The following LRRC4C variants were observed in gnomAD, a reference collection of about 807,000 sequenced individuals.
LRRC4C encodes leucine rich repeat containing 4C, also known as leucine-rich repeat-containing protein 4C.
In LRRC4C, 5 loss-of-function variants were observed where a neutral mutation model predicts 33.6. The observed-to-expected ratio is 0.15, with a 90% CI of 0.08 to 0.31. The LOEUF (loss-of-function observed/expected upper bound fraction) is 0.31. Ranked by LOEUF, LRRC4C falls within the 10% of genes least tolerant of loss-of-function variation. The pLI is 1.00. For synonymous variants in LRRC4C, 329 were observed against 302.0 expected (o/e 1.09, Z -0.93); for missense variants, 560 against 796.7 (o/e 0.70, Z 3.58).
At chr11:40,882,131 T>A (rs1955209744) in intron 2 of LRRC4C, among the ~76,000 whole-genome samples, 1 of 152,048 alleles carries the variant, frequency 6.6e-6, no homozygotes, top group African/African-American at 2.4e-5. Context: ...TGCTTTCCAA[T>A]AAAATTTTGT....
chr11:40,435,212 C>G (rs1951096063), intron 3 of LRRC4C, among the ~76,000 whole-genome samples: 2 of 152,172 alleles, frequency 1.3e-5, no homozygotes, highest in Non-Finnish European at 2.9e-5. Context: ...GGCAGCCAAC[C>G]AGCAGCATAT....
intron 1 of LRRC4C, among the ~76,000 whole-genome samples, chr11:41,163,230 T>A (rs1447295845): frequency 6.6e-6 from 1 of 151,000 alleles, no homozygotes; most frequent in Non-Finnish European, 1.5e-5. Context: ...CAGTCTCAGG[T>A]ATGTCTTTAT....
At chr11:40,250,271 A>T (rs1358505577) in intron 4 of LRRC4C, among the ~76,000 whole-genome samples, 1 of 151,878 alleles carries the variant, frequency 6.6e-6, no homozygotes, top group African/African-American at 2.4e-5. Flanking sequence ...CCTTGTAACT[A>T]TGCATTAAGC....
At chr11:40,526,159 T>C (rs2135270256) in intron 3 of LRRC4C, among the ~76,000 whole-genome samples, 1 of 152,194 alleles carries the variant, frequency 6.6e-6, no homozygotes, top group South Asian at 2.1e-4. Flanking sequence ...AAAGATTATC[T>C]TATTTATTTT....
At chr11:40,246,726 T>C (rs1866370175) in intron 4 of LRRC4C, among the ~76,000 whole-genome samples, 1 of 152,216 alleles carries the variant, frequency 6.6e-6, no homozygotes, top group Admixed American at 6.5e-5. Context: ...TTTTTTCATC[T>C]TTCTTAGATT....
chr11:41,219,216 C>A (rs1166553438), intron 1 of LRRC4C, among the ~76,000 whole-genome samples: 1 of 151,960 alleles, frequency 6.6e-6, no homozygotes, highest in East Asian at 1.9e-4. Context: ...CATTATAGTA[C>A]AGACACAAGT....
At chr11:40,683,958 A>T (rs936512454) in intron 2 of LRRC4C, among the ~76,000 whole-genome samples, 2 of 152,198 alleles carry the variant, frequency 1.3e-5, no homozygotes, top group South Asian at 2.1e-4. Flanking sequence ...GCATAAATCT[A>T]TGCCAACTCT....
chr11:40,973,945 G>A (rs951654453), intron 1 of LRRC4C, among the ~76,000 whole-genome samples: 1 of 152,018 alleles, frequency 6.6e-6, no homozygotes, highest in African/African-American at 2.4e-5. Flanking sequence ...CTCCTTGGTG[G>A]TCTCTAAGTC....
chr11:40,271,134 A>G (rs1468167321), intron 4 of LRRC4C, among the ~76,000 whole-genome samples: 1 of 152,136 alleles, frequency 6.6e-6, no homozygotes, highest in Non-Finnish European at 1.5e-5. Flanking sequence ...TGCTACCCCC[A>G]ATTACCCAGA....
intron 3 of LRRC4C, among the ~76,000 whole-genome samples, chr11:40,371,809 T>C (rs1009892854): frequency 6.6e-6 from 1 of 152,126 alleles, no homozygotes; most frequent in African/African-American, 2.4e-5. Flanking sequence ...AGAACAAAGA[T>C]GCATTGTAGA....
At chr11:41,220,111 G>T (rs1412349689) in intron 1 of LRRC4C, among the ~76,000 whole-genome samples, 1 of 152,156 alleles carries the variant, frequency 6.6e-6, no homozygotes, top group East Asian at 1.9e-4. Flanking sequence ...TGTATAAATT[G>T]CCTGAGGAAG....
chr11:40,893,094 GA>G (rs1034896806), intron 2 of LRRC4C, among the ~76,000 whole-genome samples: 3 of 151,854 alleles, frequency 2.0e-5, no homozygotes, highest in Non-Finnish European at 4.4e-5. Context: ...GGGACTGAAG[GA>G]CATTATGTTA....
At chr11:41,452,473 T>G (rs796918076) in intron 1 of LRRC4C, among the ~76,000 whole-genome samples, 4 of 152,228 alleles carry the variant, frequency 2.6e-5, no homozygotes, top group African/African-American at 9.6e-5. Flanking sequence ...GTGTTAAAAT[T>G]TTCTTTGTTC....
intron 1 of LRRC4C, among the ~76,000 whole-genome samples, chr11:41,205,633 A>C (rs1240991568): frequency 6.6e-6 from 1 of 152,164 alleles, no homozygotes; most frequent in Non-Finnish European, 1.5e-5. Flanking sequence ...CTGCCTCTTC[A>C]GTGGGTTTGG....
At chr11:40,395,333 C>G (rs1364710635) in intron 3 of LRRC4C, among the ~76,000 whole-genome samples, 1 of 152,142 alleles carries the variant, frequency 6.6e-6, no homozygotes, top group Non-Finnish European at 1.5e-5. Context: ...TGAAGCGTAA[C>G]TCTGCTCAGC....
At chr11:40,920,750 G>A (rs535089964) in intron 2 of LRRC4C, among the ~76,000 whole-genome samples, 6 of 151,958 alleles carry the variant, frequency 3.9e-5, no homozygotes, top group Admixed American at 1.3e-4. Context: ...CCTCCCATCC[G>A]AATATGACCA....
intron 2 of LRRC4C, among the ~76,000 whole-genome samples, chr11:40,805,965 T>C (rs1246353632): frequency 6.6e-6 from 1 of 152,232 alleles, no homozygotes; most frequent in East Asian, 1.9e-4. Context: ...ACAATGGAAC[T>C]GCTGGGAAAA....
chr11:40,877,549 CA>C (rs1954965371), intron 2 of LRRC4C, among the ~76,000 whole-genome samples: 1 of 152,032 alleles, frequency 6.6e-6, no homozygotes, highest in African/African-American at 2.4e-5. Context: ...TGGTGCTAGC[CA>C]AAAGGGAAAC....
At chr11:40,843,106 A>T (rs780644028) in intron 2 of LRRC4C, among the ~76,000 whole-genome samples, 4 of 152,170 alleles carry the variant, frequency 2.6e-5, no homozygotes, top group Non-Finnish European at 4.4e-5. Flanking sequence ...TCTATATTGA[A>T]ATTTGAGAAC....
Sources: gnomAD v4.1 joint callset for allele counts (sites outside exome capture counted in the v4.1 genomes callset) on GRCh38, gnomAD v4.1.1 for gene constraint, MANE v1.5 for transcripts, NCBI Gene and HGNC (gene_info 2026-07-23, HGNC 2026-07-21) for gene names.